Variants in RASL10A observed in about 807,000 individuals in gnomAD.
The protein encoded by RASL10A is RAS like family 10 member A.
A neutral mutation model predicts 17.3 loss-of-function variants in RASL10A; 13 were observed. That is an observed-to-expected ratio of 0.75 (90% CI 0.49 to 1.20). The LOEUF is 1.20. Among genes scored for constraint, RASL10A ranks in the 50% most tolerant of loss-of-function variants. The probability of loss-of-function intolerance (pLI) is 0.00; values close to 1 mark genes in which losing one functional copy is unlikely to be tolerated. For synonymous variants in RASL10A, 159 were observed against 142.2 expected, an observed-to-expected ratio of 1.12 and a Z score of -0.84; for missense variants, 307 against 310.3, an observed-to-expected ratio of 0.99 and a Z score of 0.08.
chr22:29,315,272 C>A lies in RASL10A; in HGVS notation c.-26G>T, dbSNP rs749986881. 7.0e-7 allele frequency: 1 copy of A among 1,420,480 alleles called. No individual in the cohort carries two copies. Among genetic ancestry groups the A allele is most frequent in the Non-Finnish European group, 9.1e-7 (1 of 1,094,322 alleles). The allele number at this position is 1,420,480 out of a possible 1,614,324, so 88.0% of individuals were successfully genotyped here. On this transcript the variant is annotated 5_prime_UTR_variant, in exon 1 of 3. Transcript: ENST00000216101. The surrounding 1 kb of genome is among the most constrained non-coding windows in gnomAD (Gnocchi z 5.5). ...GGCCGGCCGGCGCTGTCGCTCCCCG[C>A]GCTGGAAAGCCTCATGGGCCGGCGC...
chr22:29,313,366 G>A lies in RASL10A; in HGVS notation c.547C>T (p.Arg183Cys). 6.5e-7 allele frequency: 1 copy of A among 1,543,468 alleles called. No individual in the cohort carries two copies. Among genetic ancestry groups the A allele is most frequent in the Non-Finnish European group, 8.7e-7 (1 of 1,145,158 alleles). The change falls in exon 3 of 3, where the codon CGC (arginine) becomes TGC (cysteine). Residue 183 changes from arginine (R) to cysteine (C), a missense_variant. Transcript: ENST00000216101. ...ELLRCALVRARPAHPALRLQG... is the reference protein window; with the variant it reads ...ELLRCALVRACPAHPALRLQG... ...AGGCGCAGGGCCGGGTGTGCAGGGC[G>A]CGCGCGCACCAGAGCGCAGCGCAGC...
Position 29,315,415 on chromosome 22 carries a change from G to A in RASL10A, c.-169C>T, listed in dbSNP as rs1226372671. ...ACCGGAGAGGGCAGGCCCGAGGCAG[G>A]AGCTGGCGGCGGGAGGGCAGACAGA... On this transcript the variant is annotated 5_prime_UTR_variant, in exon 1 of 3. Coordinates refer to ENST00000216101, the MANE Select transcript of RASL10A (RefSeq NM_006477.5). This position sits in a 1 kb window ranked among gnomAD's most constrained non-coding sequence, Gnocchi z 5.5. 2 of 352,950 alleles carry A rather than the reference G, an allele frequency of 5.7e-6. No individual in the cohort carries two copies. Among genetic ancestry groups the A allele is most frequent in the Non-Finnish European group, 9.5e-6 (2 of 210,652 alleles). 21.9% of individuals were successfully genotyped at this position (352,950 alleles called of 1,614,324 possible). A position where few individuals can be genotyped will look rare whatever the true frequency, so the allele number is the denominator to read the frequency against.
chr22:29,313,741 T>A (rs549652022), intron 2 of RASL10A, 122 bp downstream of exon 2: 1 of 1,485,064 alleles, frequency 6.7e-7, no homozygotes, highest in South Asian at 1.3e-5. Flanking sequence ...GCTTAAGACC[T>A]TCCCACGGGC....
intron 1 of RASL10A, among the ~76,000 whole-genome samples, chr22:29,314,551 G>A (rs1306769265): frequency 6.6e-6 from 1 of 152,148 alleles, no homozygotes; most frequent in African/African-American, 2.4e-5. Flanking sequence ...TCGGAGGTCT[G>A]TCCTTTACTT....
chr22:29,314,657 G>T (rs2061442111), intron 1 of RASL10A, among the ~76,000 whole-genome samples: 1 of 151,944 alleles, frequency 6.6e-6, no homozygotes, highest in Non-Finnish European at 1.5e-5. Context: ...GTACACCCCT[G>T]CTCCTGACCC....
upstream of RASL10A, among the ~76,000 whole-genome samples, chr22:29,317,933 G>A (rs867514870): frequency 2.0e-5 from 3 of 151,866 alleles, no homozygotes; most frequent in African/African-American, 4.8e-5. Flanking sequence ...TGATCCACCC[G>A]CCTCAGCCTC....
upstream of RASL10A, among the ~76,000 whole-genome samples, chr22:29,316,018 G>T (rs1409973609): frequency 6.6e-6 from 1 of 152,238 alleles, no homozygotes; most frequent in Non-Finnish European, 1.5e-5. Context: ...CCGAATTGGG[G>T]GGGGCGGCTG....
chr22:29,313,308 A>AGGCTGCAGCGCGCG lies in RASL10A; in HGVS notation c.591_604dup (p.Leu202ProfsTer46). On this transcript the variant is annotated frameshift_variant, in exon 3 of 3. Transcript: ENST00000216101. LOFTEE classifies it high-confidence loss of function. ...TGGCACTGTCCGATCGGGTCACATG[A>AGGCTGCAGCGCGCG]GGCTGCAGCGCGCGGGATGCAGCGC... is the stretch of plus-strand genomic sequence containing the variant. The AGGCTGCAGCGCGCG allele has an allele frequency of 1.3e-6, 2 of 1,518,886 alleles. No homozygotes were observed. The highest frequency in any genetic ancestry group is 1.8e-6 in the Non-Finnish European group (2 of 1,131,950). The allele number at this position is 1,518,886 out of a possible 1,614,324, so 94.1% of individuals were successfully genotyped here.
In RASL10A at chr22:29,315,322, C is replaced by A. The variant is rs1257858648; in HGVS notation, c.-76G>T. On this transcript the variant is annotated 5_prime_UTR_variant, in exon 1 of 3. Coordinates refer to ENST00000216101, the MANE Select transcript of RASL10A (RefSeq NM_006477.5). This position sits in a 1 kb window ranked among gnomAD's most constrained non-coding sequence, Gnocchi z 5.5. ...CCGCACCGTGCGCCCCCAGGCCGTG[C>A]GCCCCGCGCGCCCTGCCCGGTGCGC... 2.3e-5 allele frequency: 23 copies of A among 993,616 alleles called. No individual in the cohort carries two copies. The highest frequency in any genetic ancestry group is 3.0e-5 in the Non-Finnish European group (23 of 776,520). 61.5% of individuals were successfully genotyped at this position (993,616 alleles called of 1,614,324 possible).
chr22:29,315,587 A>C lies in RASL10A; in HGVS notation c.-341T>G. ...CGCCGGCGGACGCGCGAGGCGCCGA[A>C]GTCCGCCCCTCTCGCGGCGCGGGTC... On this transcript the variant is annotated 5_prime_UTR_variant, in exon 1 of 3. Transcript: ENST00000216101. The surrounding 1 kb of genome is among the most constrained non-coding windows in gnomAD (Gnocchi z 5.5). 1 of 161,344 alleles carries C rather than the reference A, an allele frequency of 6.2e-6. No individual in the cohort carries two copies. Among genetic ancestry groups the C allele is most frequent in the African/African-American group, 2.4e-5 (1 of 41,846 alleles). 10.0% of individuals were successfully genotyped at this position (161,344 alleles called of 1,614,324 possible). A position where few individuals can be genotyped will look rare whatever the true frequency, so the allele number is the denominator to read the frequency against.
At position 29,313,554 on chromosome 22, in the gene RASL10A, G is replaced by A. The variant is rs779917075; in HGVS notation, c.359C>T (p.Pro120Leu). ...GCCTACCACGAGGATGGGCGCTTCG[G>A]GCGCGCCCGCCGGCCTGGGGGCCGA... The part of the protein sequence containing the change: ...RIAETRPAGA[P>L]EAPILVVGNK... The change falls in exon 3 of 3, where the codon CCC becomes CTC. Residue 120 changes from proline to leucine, a missense_variant. By Grantham distance (98) the Pro-to-Leu change is moderately conservative. Transcript: ENST00000216101. The A allele has an allele frequency of 6.5e-7, 1 of 1,532,774 alleles. No homozygotes were observed. The highest frequency in any genetic ancestry group is 1.2e-5 in the South Asian group (1 of 80,854). The allele number at this position is 1,532,774 out of a possible 1,614,324, so 94.9% of individuals were successfully genotyped here.
At chr22:29,317,394 C>T (rs1026096401), upstream of RASL10A, among the ~76,000 whole-genome samples, 4 of 152,066 alleles carry the variant, frequency 2.6e-5, no homozygotes, top group Non-Finnish European at 1.5e-5. Flanking sequence ...TGTACTACGA[C>T]ATCCAGCTGA....
chr22:29,313,743 C>T, intron 2 of RASL10A, 120 bp downstream of exon 2: 1 of 1,494,130 alleles, frequency 6.7e-7, no homozygotes, highest in South Asian at 1.3e-5. Flanking sequence ...TTAAGACCTT[C>T]CCACGGGCGA....
At chr22:29,318,295 C>A (rs1009377825), upstream of RASL10A, among the ~76,000 whole-genome samples, 1 of 152,236 alleles carries the variant, frequency 6.6e-6, no homozygotes, top group Non-Finnish European at 1.5e-5. Context: ...GACCCACAGC[C>A]TCATGCTCAC....
upstream of RASL10A, chr22:29,319,702 A>G (rs539733330): frequency 6.6e-6 from 1 of 151,896 alleles, no homozygotes; most frequent in Non-Finnish European, 1.5e-5. Context: ...AATTTTAAAA[A>G]TTGGCTGGGT....
At position 29,315,141 on chromosome 22, in the gene RASL10A, T is replaced by C. The variant is rs2061445573; in HGVS notation, c.106A>G (p.Thr36Ala). 6.5e-7 allele frequency: 1 copy of C among 1,532,290 alleles called. No individual in the cohort carries two copies. The highest frequency in any genetic ancestry group is 8.7e-7 in the Non-Finnish European group (1 of 1,145,348). The allele number at this position is 1,532,290 out of a possible 1,614,324, so 94.9% of individuals were successfully genotyped here. A position where few individuals can be genotyped will look rare whatever the true frequency, so the allele number is the denominator to read the frequency against. ...GGTCGGTAGAGGCGCGGCCCGTCCGTGGGCCGGTGGCGCTCGGGGTAGTCA... is the reference window on the plus strand; with the variant it reads ...GGTCGGTAGAGGCGCGGCCCGTCCGCGGGCCGGTGGCGCTCGGGGTAGTCA... The part of the protein sequence containing the change: ...FGDYPERHRP[T>A]DGPRLYRPAV... The change falls in exon 1 of 3, where the codon ACG (threonine) becomes GCG (alanine). Residue 36 changes from threonine to alanine, a missense_variant. Thr to Ala is a moderately conservative substitution (Grantham distance 58). Coordinates refer to ENST00000216101, the MANE Select transcript of RASL10A (RefSeq NM_006477.5). This position sits in a 1 kb window ranked among gnomAD's most constrained non-coding sequence, Gnocchi z 5.5.
upstream of RASL10A, chr22:29,319,500 T>C (rs1883867911): frequency 6.6e-6 from 1 of 152,264 alleles, no homozygotes; most frequent in Non-Finnish European, 1.5e-5. Flanking sequence ...AAGTTTCTTT[T>C]CTTGGGTTTG....
In RASL10A at chr22:29,313,510, G is replaced by A; in HGVS notation, c.403C>T (p.Arg135Trp). 2 of 1,572,388 alleles carry A rather than the reference G, an allele frequency of 1.3e-6. No homozygotes were observed. Among genetic ancestry groups the A allele is most frequent in the Non-Finnish European group, 1.7e-6 (2 of 1,167,358 alleles). ...LVVGNKRDRQRLRFGPRRALA... is the reference protein window; with the variant it reads ...LVVGNKRDRQWLRFGPRRALA... ...GCGCGCCGCGGTCCGAAGCGCAGCC[G>A]CTGCCTGTCCCGCTTGTTGCCTACC... The change falls in exon 3 of 3, where the codon CGG (arginine) becomes TGG (tryptophan). Residue 135 changes from arginine to tryptophan, a missense_variant. Transcript: ENST00000216101.
upstream of RASL10A, among the ~76,000 whole-genome samples, chr22:29,318,608 G>A (rs916913327): frequency 6.6e-6 from 1 of 152,196 alleles, no homozygotes; most frequent in Non-Finnish European, 1.5e-5. Flanking sequence ...CAGCAGGCTG[G>A]GGGGCTGAAG....
Sources: gnomAD v4.1 joint callset for allele counts (sites outside exome capture counted in the v4.1 genomes callset) on GRCh38, gnomAD v4.1.1 for gene constraint, Gnocchi (gnomAD v3.1) non-coding constraint, MANE v1.5 for transcripts, NCBI Gene and HGNC (gene_info 2026-07-23, HGNC 2026-07-21) for gene names.